The following SLC9A9 variants were observed in gnomAD, a reference collection of about 807,000 sequenced individuals.
SLC9A9 encodes the protein solute carrier family 9 member A9.
Under a neutral mutation model 77.8 loss-of-function variants are expected in SLC9A9, and 62 were observed. The ratio of observed to expected loss-of-function variants is 0.80; its 90% confidence interval spans 0.65 to 0.98. The LOEUF (loss-of-function observed/expected upper bound fraction) is 0.98. Ranked by LOEUF, SLC9A9 falls within the 50% of genes least tolerant of loss-of-function variation. SLC9A9 has a pLI of 0.00. For synonymous variants in SLC9A9, 320 were observed against 283.5 expected (o/e 1.13, Z -1.29); for missense variants, 775 against 774.9 (o/e 1.00, Z 0.00).
At chr3:143,619,405 C>G (rs948783075) in intron 6 of SLC9A9, among the ~76,000 whole-genome samples, 1 of 152,140 alleles carries the variant, frequency 6.6e-6, no homozygotes, top group Non-Finnish European at 1.5e-5. Flanking sequence ...AAACCGGAAC[C>G]ATTATGCTTG....
intron 4 of SLC9A9, among the ~76,000 whole-genome samples, chr3:143,760,295 A>T (rs1457570756): frequency 6.6e-6 from 1 of 152,172 alleles, no homozygotes; most frequent in African/African-American, 2.4e-5. Context: ...CAAGACAGAG[A>T]TGCCCTCTCT....
intron 14 of SLC9A9, among the ~76,000 whole-genome samples, chr3:143,359,584 G>A (rs973532885): frequency 6.6e-6 from 1 of 152,152 alleles, no homozygotes; most frequent in Non-Finnish European, 1.5e-5. Context: ...AGGGTAGCTG[G>A]AGCAGAGTGA....
intron 14 of SLC9A9, among the ~76,000 whole-genome samples, chr3:143,352,530 C>T (rs1009354615): frequency 2.0e-5 from 3 of 152,134 alleles, no homozygotes; most frequent in African/African-American, 7.2e-5. Context: ...TGCTTCTTCC[C>T]CTACATTTAA....
intron 1 of SLC9A9, among the ~76,000 whole-genome samples, chr3:143,838,210 T>C (rs1318183673): frequency 6.6e-6 from 1 of 152,132 alleles, no homozygotes; most frequent in East Asian, 1.9e-4. Context: ...CCTACAGTAT[T>C]GGAAAAACTT....
At chr3:143,373,758 T>A (rs1222525620) in intron 13 of SLC9A9, among the ~76,000 whole-genome samples, 2 of 151,744 alleles carry the variant, frequency 1.3e-5, no homozygotes, top group East Asian at 3.9e-4. Context: ...CAATAAAAAT[T>A]ATGCAATTTG....
At chr3:143,688,373 G>A (rs2028995) in intron 5 of SLC9A9, among the ~76,000 whole-genome samples, 65,515 of 151,868 alleles carry the variant, frequency 0.43, 14,314 homozygotes, top group South Asian at 0.6. Context: ...AGCTAGCTGA[G>A]TCACTCAGTA....
intron 9 of SLC9A9, among the ~76,000 whole-genome samples, chr3:143,548,003 G>A (rs1012676276): frequency 9.2e-5 from 14 of 152,210 alleles, no homozygotes; most frequent in Non-Finnish European, 1.8e-4. Context: ...TGGAATCAGC[G>A]ATAATGAGAG....
intron 14 of SLC9A9, among the ~76,000 whole-genome samples, chr3:143,320,651 C>T (rs75456180): frequency 6.6e-6 from 1 of 152,186 alleles, no homozygotes. Flanking sequence ...AGGGATGGCA[C>T]TAAGCCATTC....
At chr3:143,438,092 C>G (rs968280709) in intron 12 of SLC9A9, among the ~76,000 whole-genome samples, 3 of 152,228 alleles carry the variant, frequency 2.0e-5, no homozygotes, top group African/African-American at 7.2e-5. Flanking sequence ...TGGGACAAAA[C>G]ATTTAATTAA....
intron 9 of SLC9A9, among the ~76,000 whole-genome samples, chr3:143,545,197 T>C (rs1354729349): frequency 6.6e-6 from 1 of 152,196 alleles, no homozygotes; most frequent in East Asian, 1.9e-4. Flanking sequence ...GATTTTATCC[T>C]CCATGAAATC....
chr3:143,474,149 C>A lies in SLC9A9; in HGVS notation c.1316-6959G>T, dbSNP rs148852094. On this transcript the variant is annotated intron_variant, in intron 11 of 15. Coordinates refer to ENST00000316549, the MANE Select transcript of SLC9A9 (RefSeq NM_173653.4). ...GCTTCGGGAATAGTAGGTGCAAAATCCTGAGGCAGGCCAATGCCTGGTGTG... is the reference window on the plus strand; with the variant it reads ...GCTTCGGGAATAGTAGGTGCAAAATACTGAGGCAGGCCAATGCCTGGTGTG... Among the ~76,000 whole-genome samples the A allele has an allele frequency of 1.2e-3, 182 of 152,166 alleles. 1 individual carries two copies. Among genetic ancestry groups the A allele is most frequent in the African/African-American group, 3.7e-3 (153 of 41,506 alleles).
chr3:143,666,621 A>G (rs1313546338), intron 5 of SLC9A9, among the ~76,000 whole-genome samples: 3 of 152,254 alleles, frequency 2.0e-5, no homozygotes, highest in Non-Finnish European at 4.4e-5. Context: ...TAAGCTGATA[A>G]GCAACTTCAG....
intron 6 of SLC9A9, among the ~76,000 whole-genome samples, chr3:143,595,111 A>C (rs534163758): frequency 1.3e-5 from 2 of 152,290 alleles, no homozygotes; most frequent in Non-Finnish European, 2.9e-5. Context: ...TTTTGAATGC[A>C]TGATTTCTGT....
intron 4 of SLC9A9, among the ~76,000 whole-genome samples, chr3:143,707,084 C>T (rs1483170243): frequency 6.6e-6 from 1 of 152,084 alleles, no homozygotes; most frequent in East Asian, 1.9e-4. Flanking sequence ...AATTCTGTGC[C>T]AGGACATTTG....
At chr3:143,661,559 C>T (rs766488207) in intron 5 of SLC9A9, among the ~76,000 whole-genome samples, 1 of 152,164 alleles carries the variant, frequency 6.6e-6, no homozygotes, top group East Asian at 1.9e-4. Flanking sequence ...AGATTTTCTT[C>T]ACTCTCCTTT....
intron 12 of SLC9A9, among the ~76,000 whole-genome samples, chr3:143,427,063 C>A (rs993529442): frequency 6.6e-6 from 1 of 152,168 alleles, no homozygotes; most frequent in Admixed American, 6.5e-5. Flanking sequence ...TTTTTAAAAA[C>A]AACTCATGAA....
chr3:143,655,362 A>T, intron 5 of SLC9A9: 1 of 608,076 alleles, frequency 1.6e-6, no homozygotes, highest in Non-Finnish European at 2.1e-6. Flanking sequence ...ATGCCCATGT[A>T]AATGAGAGTT....
At chr3:143,539,890 G>C (rs567637621) in intron 9 of SLC9A9, among the ~76,000 whole-genome samples, 118 of 152,164 alleles carry the variant, frequency 7.8e-4, no homozygotes, top group Non-Finnish European at 1.5e-3. Flanking sequence ...GAGAGAGAGA[G>C]AGAGAGAGTG....
chr3:143,606,436 CTATATATATA>C (rs60773685), intron 6 of SLC9A9, among the ~76,000 whole-genome samples: 8 of 54,214 alleles, frequency 1.5e-4, no homozygotes, highest in African/African-American at 3.1e-4. Flanking sequence ...CTCTCTCTCT[CTATATATATA>C]TATATATATA....
Sources: allele counts gnomAD v4.1 joint callset (sites outside exome capture counted in the v4.1 genomes callset), GRCh38; gene constraint gnomAD v4.1.1; transcripts MANE v1.5; gene names NCBI Gene and HGNC (gene_info 2026-07-23, HGNC 2026-07-21).